ERO1A: variants seen among roughly 807,000 people sequenced by gnomAD.
ERO1A encodes endoplasmic reticulum oxidoreductase 1 alpha.
A neutral mutation model predicts 76.9 loss-of-function variants in ERO1A; 49 were observed. The observed-to-expected ratio is 0.64, with a 90% CI of 0.51 to 0.81. ERO1A has a LOEUF of 0.81. Ranked by LOEUF, ERO1A falls within the 30% of genes least tolerant of loss-of-function variation. The probability of loss-of-function intolerance (pLI) is 0.00; values close to 1 mark genes in which losing one functional copy is unlikely to be tolerated. For synonymous variants in ERO1A, 174 were observed against 181.2 expected, an observed-to-expected ratio of 0.96 and a Z score of 0.32; for missense variants, 448 against 542.1, an observed-to-expected ratio of 0.83 and a Z score of 1.72.
At chr14:52,692,920 C>A (rs1211470781) in intron 1 of ERO1A, among the ~76,000 whole-genome samples, 1 of 151,830 alleles carries the variant, frequency 6.6e-6, no homozygotes, top group Non-Finnish European at 1.5e-5. Context: ...CCCTTCTCCC[C>A]CGATCCTCAT....
chr14:52,693,540 C>T (rs139053462), intron 1 of ERO1A, among the ~76,000 whole-genome samples: 87 of 152,218 alleles, frequency 5.7e-4, no homozygotes, highest in African/African-American at 2.1e-3. Flanking sequence ...CTAGAGAACC[C>T]GGACTAATAC....
At chr14:52,689,531 TTAGAA>T (rs2041287773) in intron 1 of ERO1A, among the ~76,000 whole-genome samples, 1 of 151,912 alleles carries the variant, frequency 6.6e-6, no homozygotes, top group Non-Finnish European at 1.5e-5. Context: ...ACAATTCTAT[TTAGAA>T]TAGAATGAAA....
chr14:52,666,185 A>G (rs1437745432), intron 7 of ERO1A, among the ~76,000 whole-genome samples, 190 bp downstream of exon 7: 1 of 152,192 alleles, frequency 6.6e-6, no homozygotes, highest in African/African-American at 2.4e-5. Context: ...CTAAAGGAAA[A>G]ATCTGTGGAA....
At chr14:52,646,557 G>C in intron 13 of ERO1A, 96 bp from the exon 14 acceptor site, 1 of 802,402 alleles carries the variant, frequency 1.2e-6, no homozygotes, top group Non-Finnish European at 2.0e-6. Context: ...ACTGTGCAAG[G>C]TACTATGGGG....
intron 7 of ERO1A, chr14:52,664,274 G>A (rs1187483839): frequency 1.3e-5 from 2 of 152,110 alleles, no homozygotes; most frequent in East Asian, 3.8e-4. Flanking sequence ...AAAAAATAGT[G>A]TAGATTATTT....
intron 2 of ERO1A, 61 bp from the exon 3 acceptor site, chr14:52,682,469 G>T: frequency 1.6e-6 from 2 of 1,260,798 alleles, no homozygotes; most frequent in Non-Finnish European, 2.3e-6. Flanking sequence ...ATAATTGACA[G>T]TTACAAATTA....
chr14:52,675,077 G>A (rs2040734444), intron 4 of ERO1A, among the ~76,000 whole-genome samples: 1 of 152,132 alleles, frequency 6.6e-6, no homozygotes, highest in South Asian at 2.1e-4. Flanking sequence ...GTGGTAAAGT[G>A]AGTTTATTAA....
chr14:52,671,585 T>G (rs1334094488), intron 6 of ERO1A, 45 bp downstream of exon 6: 1 of 1,392,298 alleles, frequency 7.2e-7, no homozygotes, highest in Non-Finnish European at 9.9e-7. Context: ...TTTTTTTTCT[T>G]AGGTATAATT....
At chr14:52,679,963 G>A (rs2040932574) in intron 3 of ERO1A, among the ~76,000 whole-genome samples, 1 of 151,894 alleles carries the variant, frequency 6.6e-6, no homozygotes, top group Non-Finnish European at 1.5e-5. Flanking sequence ...AGGAGGCTGA[G>A]GTGAGAGGAC....
chr14:52,676,127 T>C (rs935694343), intron 4 of ERO1A, among the ~76,000 whole-genome samples: 3 of 152,254 alleles, frequency 2.0e-5, no homozygotes, highest in African/African-American at 7.2e-5. Flanking sequence ...TGATGATCTT[T>C]TGTGCAAGTT....
chr14:52,687,595 C>T (rs1287337630), intron 1 of ERO1A, among the ~76,000 whole-genome samples: 1 of 152,162 alleles, frequency 6.6e-6, no homozygotes, highest in African/African-American at 2.4e-5. Flanking sequence ...TCAGGATGTG[C>T]TAAGGCTGCC....
intron 1 of ERO1A, among the ~76,000 whole-genome samples, chr14:52,691,071 T>C (rs1459088104): frequency 2.6e-5 from 4 of 152,204 alleles, no homozygotes. Flanking sequence ...CCAGCCAATA[T>C]ATGCAATTTT....
rs192145985 is a variant in ERO1A, at chr14:52,675,187, C to G, written c.357+3247G>C. On this transcript the variant is annotated intron_variant, in intron 4 of 15. Transcript: ENST00000395686. ...TCACTTGAGGTCAGAGGTTTGAGAC[C>G]AGCTTGGCCAACATGGTGAAACCCC... is the stretch of plus-strand genomic sequence containing the variant. 8.7e-3 allele frequency among the ~76,000 whole-genome samples: 1,328 copies of G among 152,124 alleles called. 11 individuals are homozygous for G. The highest frequency in any genetic ancestry group is 0.015 in the Non-Finnish European group (995 of 67,986).
At chr14:52,648,873 C>T (rs747422607) in intron 13 of ERO1A, among the ~76,000 whole-genome samples, 14 of 152,060 alleles carry the variant, frequency 9.2e-5, no homozygotes, top group Non-Finnish European at 1.2e-4. Flanking sequence ...AAATTAAAAC[C>T]AAGCACATCA....
intron 1 of ERO1A, among the ~76,000 whole-genome samples, chr14:52,690,576 C>T (rs957134499): frequency 1.3e-5 from 2 of 152,076 alleles, no homozygotes; most frequent in Non-Finnish European, 1.5e-5. Flanking sequence ...TGGCGGGTGC[C>T]TGTAGTCCCA....
At chr14:52,663,245 A>C (rs1267625912) in intron 8 of ERO1A, among the ~76,000 whole-genome samples, 2 of 152,152 alleles carry the variant, frequency 1.3e-5, no homozygotes, top group African/African-American at 4.8e-5. Context: ...AATATATAGA[A>C]TAAATATATA....
chr14:52,666,575 G>T, intron 6 of ERO1A, 80 bp from the exon 7 acceptor site: 3 of 1,246,332 alleles, frequency 2.4e-6, no homozygotes, highest in South Asian at 1.4e-5. Context: ...GTATTCCATT[G>T]ATTCTAACGC....
intron 11 of ERO1A, 93 bp from the exon 12 acceptor site, chr14:52,653,408 C>A: frequency 1.0e-6 from 1 of 980,178 alleles, no homozygotes; most frequent in Non-Finnish European, 1.4e-6. Context: ...AAGTTAATTT[C>A]ATTTTGCATT....
rs773998896 is a variant in ERO1A, at chr14:52,675,856, T to TAA, written c.357+2577_357+2578insTT. ...GAGAACAGGCATGTGCCACCACAAC[T>TAA]GTATTTTTTGTAGACACGGGGTTTC... On this transcript the variant is annotated intron_variant, in intron 4 of 15. Coordinates refer to ENST00000395686, the MANE Select transcript of ERO1A (RefSeq NM_014584.3). Among the ~76,000 whole-genome samples, 29 of 152,220 alleles carry TAA rather than the reference T, an allele frequency of 1.9e-4. No individual in the cohort carries two copies. In the East Asian group the frequency reaches 4.6e-3, roughly 24 times the overall value.
Sources: allele counts gnomAD v4.1 joint callset (sites outside exome capture counted in the v4.1 genomes callset), GRCh38; gene constraint gnomAD v4.1.1; transcripts MANE v1.5; gene names NCBI Gene and HGNC (gene_info 2026-07-23, HGNC 2026-07-21).